The following SLC25A32 variants were observed in gnomAD, a reference collection of about 807,000 sequenced individuals.
SLC25A32 encodes the protein Glycine auxotroph B, complementation of hamster.
SLC25A32 carries 32 observed loss-of-function variants against 39.0 expected under a neutral mutation model. That is an observed-to-expected ratio of 0.82 (90% CI 0.62 to 1.10). The LOEUF is 1.10. Ranked by LOEUF, SLC25A32 falls within the 50% of genes least tolerant of loss-of-function variation. The pLI, the probability that SLC25A32 is intolerant of heterozygous loss-of-function variation, is 0.00. For synonymous variants in SLC25A32, 166 were observed against 152.4 expected (o/e 1.09, Z -0.66); for missense variants, 367 against 395.3 (o/e 0.93, Z 0.61).
chr8:103,404,364 G>GGC (rs1816280196), intron 3 of SLC25A32, among the ~76,000 whole-genome samples: 3 of 152,164 alleles, frequency 2.0e-5, no homozygotes, highest in Admixed American at 2.0e-4. Flanking sequence ...GGGAGGCAGA[G>GGC]GCAGGTGGAT....
At chr8:103,409,255 T>C (rs981099018) in intron 1 of SLC25A32, among the ~76,000 whole-genome samples, 8 of 152,202 alleles carry the variant, frequency 5.3e-5, no homozygotes, top group Non-Finnish European at 5.9e-5. Context: ...ATATCCAAAC[T>C]TGTAATTTTA....
intron 2 of SLC25A32, among the ~76,000 whole-genome samples, chr8:103,405,478 A>T (rs946407748): frequency 6.6e-6 from 1 of 152,122 alleles, no homozygotes; most frequent in South Asian, 2.1e-4. Flanking sequence ...GTGAAAAGTA[A>T]TAAGGGTGGG....
chr8:103,408,724 T>C (rs1816394709), intron 1 of SLC25A32, among the ~76,000 whole-genome samples: 1 of 152,192 alleles, frequency 6.6e-6, no homozygotes, highest in Non-Finnish European at 1.5e-5. Flanking sequence ...GTGTTCCATA[T>C]AACTCAACAA....
Position 103,398,692 on chromosome 8 carries a change from T to A in SLC25A32, c.*1719A>T, listed in dbSNP as rs1026770651. ...TATTCATTTGGGAGTACATAGGCGG[T>A]ATTTAAACAATGGTGCTATCTTAAA... is the stretch of plus-strand genomic sequence containing the variant. On this transcript the variant is annotated 3_prime_UTR_variant, in exon 7 of 7. Transcript: ENST00000297578. 2.0e-5 allele frequency: 3 copies of A among 152,242 alleles called. No individual in the cohort carries two copies. Among genetic ancestry groups the A allele is most frequent in the Admixed American group, 1.3e-4 (2 of 15,276 alleles). 9.4% of individuals were successfully genotyped at this position (152,242 alleles called of 1,614,324 possible).
Position 103,398,843 on chromosome 8 carries a change from CATGTT to C in SLC25A32, c.*1563_*1567del, listed in dbSNP as rs540536258. The C allele has an allele frequency of 4.4e-3, 633 of 143,146 alleles. 4 individuals are homozygous for C. The highest frequency in any genetic ancestry group is 0.016 in the African/African-American group (603 of 38,400). The allele number at this position is 143,146 out of a possible 1,614,324, so 8.9% of individuals were successfully genotyped here. A position where few individuals can be genotyped will look rare whatever the true frequency, so the allele number is the denominator to read the frequency against. ...ATTTAACTTATAAAGCATTCATCTG[CATGTT>C]ATAAGATATTACAGTAAATACAATT... is the stretch of plus-strand genomic sequence containing the variant. On this transcript the variant is annotated 3_prime_UTR_variant, in exon 7 of 7. Coordinates refer to ENST00000297578, the MANE Select transcript of SLC25A32 (RefSeq NM_030780.5).
rs774527770 is a variant in SLC25A32, at chr8:103,400,408, A to G, written c.*3T>C. 15 of 1,614,094 alleles carry G rather than the reference A, an allele frequency of 9.3e-6. No individual in the cohort carries two copies. The highest frequency in any genetic ancestry group is 2.2e-5 in the South Asian group (2 of 91,078). ...AGATATACTGGAATTGTCCTCTTTG[A>G]GCTTACTTTCTCTTTTCTCTAAGGT... On this transcript the variant is annotated 3_prime_UTR_variant, in exon 7 of 7. Coordinates refer to ENST00000297578, the MANE Select transcript of SLC25A32 (RefSeq NM_030780.5).
rs1718972707 is a variant in SLC25A32 at position 103,398,683 on chromosome 8, C to T, written c.*1728G>A. ...ATTATGTTTTATTCATTTGGGAGTA[C>T]ATAGGCGGTATTTAAACAATGGTGC... On this transcript the variant is annotated 3_prime_UTR_variant, in exon 7 of 7. Transcript: ENST00000297578. 6.6e-6 allele frequency: 1 copy of T among 152,186 alleles called. No individual in the cohort carries two copies. Among genetic ancestry groups the T allele is most frequent in the South Asian group, 2.1e-4 (1 of 4,834 alleles). The allele number at this position is 152,186 out of a possible 1,614,324, so 9.4% of individuals were successfully genotyped here.
At position 103,402,058 on chromosome 8, in the gene SLC25A32, C is replaced by T. The variant is rs1454469022; in HGVS notation, c.553-4G>A. Reference sequence around the variant, plus strand: ...CAAACAGCCCAGGAACAAATCCCTACAAGGGAATGATTTTTAAAAAGCAAA... The same window carrying T: ...CAAACAGCCCAGGAACAAATCCCTATAAGGGAATGATTTTTAAAAAGCAAA... On this transcript the variant is annotated splice_polypyrimidine_tract_variant and splice_region_variant and intron_variant, in intron 4 of 6. Transcript: ENST00000297578. 6.3e-7 allele frequency: 1 copy of T among 1,586,186 alleles called. No individual in the cohort carries two copies. The highest frequency in any genetic ancestry group is 1.8e-5 in the Admixed American group (1 of 55,864).
intron 1 of SLC25A32, among the ~76,000 whole-genome samples, chr8:103,414,110 C>T (rs1290993922): frequency 6.6e-6 from 1 of 152,210 alleles, no homozygotes; most frequent in Non-Finnish European, 1.5e-5. Flanking sequence ...CTGAACTTAA[C>T]TTGTAATAAC....
At chr8:103,409,393 A>C (rs188306742) in intron 1 of SLC25A32, among the ~76,000 whole-genome samples, 1 of 152,146 alleles carries the variant, frequency 6.6e-6, no homozygotes, top group East Asian at 1.9e-4. Flanking sequence ...CATCTTATAG[A>C]TATCCCATGA....
Position 103,415,073 on chromosome 8 carries a change from CA to C in SLC25A32, c.-137del, listed in dbSNP as rs776685812. 2.5e-6 allele frequency: 4 copies of C among 1,608,476 alleles called. No individual in the cohort carries two copies. In the East Asian group the frequency reaches 8.9e-5, roughly 36 times the overall value. The stretch of plus-strand genomic sequence containing the variant: ...GGACCAACGAGAGGACTCTTATGCC[CA>C]AGGCGCGTGAGCGAAGCCGGAGACT... On this transcript the variant is annotated 5_prime_UTR_variant, in exon 1 of 7. Transcript: ENST00000297578.
rs564720045 is a variant in SLC25A32 at position 103,407,728 on chromosome 8, T to C, written c.211A>G (p.Thr71Ala). 2.7e-5 allele frequency: 43 copies of C among 1,613,350 alleles called. 1 individual carries two copies. The East Asian group carries it at 2.9e-4, about 11-fold the overall frequency. The change falls in exon 2 of 7, where the codon ACC becomes GCC. Residue 71 changes from threonine to alanine, a missense_variant. Thr to Ala is a moderately conservative substitution (Grantham distance 58). Transcript: ENST00000297578. ...KYNGILHCLT[T>A]IWKLDGLRGL... ...CGTAGTCCATCAAGTTTCCAAATGG[T>C]AGTCAAGCAATGTAAAATTCCATTA... is the stretch of plus-strand genomic sequence containing the variant.
intron 4 of SLC25A32, among the ~76,000 whole-genome samples, chr8:103,402,923 C>A (rs1294879742): frequency 6.6e-6 from 1 of 152,070 alleles, no homozygotes; most frequent in Non-Finnish European, 1.5e-5. Flanking sequence ...AGAAACTTGA[C>A]AAAGTTTTAG....
chr8:103,410,976 C>T (rs546537553), intron 1 of SLC25A32, among the ~76,000 whole-genome samples: 1 of 152,286 alleles, frequency 6.6e-6, no homozygotes, highest in South Asian at 2.1e-4. Flanking sequence ...CTCCCCCCTA[C>T]CTGTGCTCTA....
At chr8:103,411,817 C>T (rs1816472807) in intron 1 of SLC25A32, among the ~76,000 whole-genome samples, 1 of 152,184 alleles carries the variant, frequency 6.6e-6, no homozygotes, top group Non-Finnish European at 1.5e-5. Flanking sequence ...CTGCCAGTTT[C>T]CATTTTCACA....
In SLC25A32 at chr8:103,400,403, C is replaced by A; in HGVS notation, c.*8G>T. 6.2e-7 allele frequency: 1 copy of A among 1,614,088 alleles called. No individual in the cohort carries two copies. The highest frequency in any genetic ancestry group is 8.5e-7 in the Non-Finnish European group (1 of 1,179,996). On this transcript the variant is annotated 3_prime_UTR_variant, in exon 7 of 7. Coordinates refer to ENST00000297578, the MANE Select transcript of SLC25A32 (RefSeq NM_030780.5). ...TGGGCAGATATACTGGAATTGTCCTCTTTGAGCTTACTTTCTCTTTTCTCT... is the reference window on the plus strand; with the variant it reads ...TGGGCAGATATACTGGAATTGTCCTATTTGAGCTTACTTTCTCTTTTCTCT...
At chr8:103,405,111 T>C (rs904932512) in intron 2 of SLC25A32, among the ~76,000 whole-genome samples, 2 of 152,060 alleles carry the variant, frequency 1.3e-5, no homozygotes, top group African/African-American at 4.8e-5. Context: ...ATCAATTAAC[T>C]TCAAAAGACA....
chr8:103,401,561 T>G lies in SLC25A32; in HGVS notation c.767A>C (p.His256Pro), dbSNP rs760097451. The change falls in exon 6 of 7, where the codon CAC becomes CCC. Residue 256 changes from histidine to proline, a missense_variant. His to Pro is a moderately conservative substitution (Grantham distance 77). Transcript: ENST00000297578. ...ATCTATTACACCACTGTAAAACATG[T>G]GTTGATCCTGAAGACGAGCTCTTAC... ...QVVRARLQDQ[H>P]MFYSGVIDVI... The G allele has an allele frequency of 5.0e-6, 8 of 1,613,924 alleles. No individual in the cohort carries two copies. Among genetic ancestry groups the G allele is most frequent in the Non-Finnish European group, 6.8e-6 (8 of 1,179,876 alleles).
chr8:103,406,349 C>T (rs1170958415), intron 2 of SLC25A32, among the ~76,000 whole-genome samples: 2 of 152,234 alleles, frequency 1.3e-5, no homozygotes, highest in East Asian at 3.9e-4. Flanking sequence ...AAGGCAAATA[C>T]ACTAGATACT....
Sources: gnomAD v4.1 joint callset for allele counts (sites outside exome capture counted in the v4.1 genomes callset) on GRCh38, gnomAD v4.1.1 for gene constraint, MANE v1.5 for transcripts, NCBI Gene and HGNC (gene_info 2026-07-23, HGNC 2026-07-21) for gene names.